The following DEPDC1B variants were observed in gnomAD, a reference collection of about 807,000 sequenced individuals.
DEPDC1B encodes DEP domain containing 1B.
Under a neutral mutation model 66.5 loss-of-function variants are expected in DEPDC1B, and 51 were observed. The observed-to-expected ratio is 0.77, with a 90% CI of 0.61 to 0.97. The LOEUF (loss-of-function observed/expected upper bound fraction) is 0.97. Ranked by LOEUF, DEPDC1B falls within the 50% of genes least tolerant of loss-of-function variation. DEPDC1B has a pLI of 0.00. For synonymous variants in DEPDC1B, 226 were observed against 223.6 expected (o/e 1.01, Z -0.10); for missense variants, 552 against 637.1 (o/e 0.87, Z 1.44).
chr5:60,627,312 A>C (rs1752826939), intron 7 of DEPDC1B, among the ~76,000 whole-genome samples: 1 of 152,184 alleles, frequency 6.6e-6, no homozygotes, highest in Non-Finnish European at 1.5e-5. Flanking sequence ...AAATAAATTC[A>C]AAAGACATCT....
intron 7 of DEPDC1B, among the ~76,000 whole-genome samples, chr5:60,634,197 G>C (rs1311130901): frequency 6.6e-6 from 1 of 152,206 alleles, no homozygotes; most frequent in African/African-American, 2.4e-5. Flanking sequence ...CCAAGAAGGA[G>C]GAAACAGAAG....
At chr5:60,631,149 G>C (rs910388459) in intron 7 of DEPDC1B, among the ~76,000 whole-genome samples, 2 of 152,204 alleles carry the variant, frequency 1.3e-5, no homozygotes, top group Non-Finnish European at 2.9e-5. Flanking sequence ...CAGATGACAG[G>C]TCAGAGGAGG....
chr5:60,699,455 A>AAAAAAC (rs1754731904), intron 1 of DEPDC1B, among the ~76,000 whole-genome samples: 1 of 66,856 alleles, frequency 1.5e-5, no homozygotes, highest in Non-Finnish European at 3.3e-5. Context: ...AAAAAAAAAA[A>AAAAAAC]AAAAAAACAG....
intron 7 of DEPDC1B, among the ~76,000 whole-genome samples, chr5:60,625,427 A>G (rs949438421): frequency 9.2e-5 from 14 of 152,168 alleles, no homozygotes; most frequent in Non-Finnish European, 2.9e-5. Flanking sequence ...CTTTTTAATA[A>G]TCACCATTCT....
At chr5:60,677,288 T>C (rs1445132632) in intron 2 of DEPDC1B, among the ~76,000 whole-genome samples, 2 of 119,040 alleles carry the variant, frequency 1.7e-5, no homozygotes, top group Non-Finnish European at 1.8e-5. Flanking sequence ...AGAATCTTTT[T>C]CATACAGACA....
At chr5:60,619,133 G>T (rs530911768) in intron 7 of DEPDC1B, among the ~76,000 whole-genome samples, 1 of 152,270 alleles carries the variant, frequency 6.6e-6, no homozygotes, top group Non-Finnish European at 1.5e-5. Context: ...TTCATGGGAT[G>T]TATCTCCAAA....
intron 10 of DEPDC1B, 55 bp downstream of exon 10, chr5:60,599,020 A>AC: frequency 6.9e-7 from 1 of 1,449,292 alleles, no homozygotes; most frequent in Non-Finnish European, 9.2e-7. Flanking sequence ...ATAAAAAAAA[A>AC]AACATAAAAA....
At chr5:60,697,366 T>G (rs1323456062) in intron 1 of DEPDC1B, among the ~76,000 whole-genome samples, 1 of 152,168 alleles carries the variant, frequency 6.6e-6, no homozygotes, top group Non-Finnish European at 1.5e-5. Flanking sequence ...AGGCCTAGTT[T>G]TTGTATCCCA....
chr5:60,668,059 TTTTATATATATATAAAA>T (rs1753921782), intron 2 of DEPDC1B, among the ~76,000 whole-genome samples: 2 of 91,712 alleles, frequency 2.2e-5, no homozygotes, highest in Non-Finnish European at 3.9e-5. Context: ...AAAATGGATA[TTTTATATATATATAAAA>T]TGGATATTTT....
chr5:60,621,007 G>A (rs1752687712), intron 7 of DEPDC1B, among the ~76,000 whole-genome samples: 1 of 152,058 alleles, frequency 6.6e-6, no homozygotes, highest in Admixed American at 6.6e-5. Context: ...GATGAAACTG[G>A]AAACCATCAT....
chr5:60,611,504 C>T (rs992256187), intron 7 of DEPDC1B, among the ~76,000 whole-genome samples: 1 of 152,220 alleles, frequency 6.6e-6, no homozygotes, highest in African/African-American at 2.4e-5. Context: ...AGAGAAGTCA[C>T]AAGCTAGGCC....
intron 10 of DEPDC1B, 78 bp downstream of exon 10, chr5:60,598,997 G>C (rs1752148474): frequency 2.5e-6 from 3 of 1,213,228 alleles, no homozygotes; most frequent in African/African-American, 3.2e-5. Flanking sequence ...AGATTTACAT[G>C]AAGCCTATTA....
chr5:60,649,990 T>G (rs886798112), intron 2 of DEPDC1B, among the ~76,000 whole-genome samples: 1 of 151,888 alleles, frequency 6.6e-6, no homozygotes, highest in Middle Eastern at 3.2e-3. Context: ...TTTTCCCCCA[T>G]GAAGATACAT....
intron 6 of DEPDC1B, among the ~76,000 whole-genome samples, chr5:60,641,778 T>C (rs1753197518): frequency 6.6e-6 from 1 of 152,156 alleles, no homozygotes; most frequent in Admixed American, 6.5e-5. Context: ...AAAAAAGCAC[T>C]TCCCCAAGCT....
chr5:60,601,617 T>G (rs1271378731), intron 9 of DEPDC1B, among the ~76,000 whole-genome samples: 1 of 152,100 alleles, frequency 6.6e-6, no homozygotes, highest in Non-Finnish European at 1.5e-5. Flanking sequence ...GCTTCCAAAA[T>G]GGGGGAAAGC....
At chr5:60,677,322 A>ACTCTCTCTCTCT (rs1171843425) in intron 2 of DEPDC1B, among the ~76,000 whole-genome samples, 6 of 99,612 alleles carry the variant, frequency 6.0e-5, no homozygotes, top group African/African-American at 2.9e-4. Flanking sequence ...ACACACACAC[A>ACTCTCTCTCTCT]CACACTCTCT....
chr5:60,631,633 T>A (rs16878294), intron 7 of DEPDC1B, among the ~76,000 whole-genome samples: 5,824 of 152,252 alleles, frequency 0.038, 365 homozygotes, highest in African/African-American at 0.13. Flanking sequence ...TCCTGATAAG[T>A]CTCATTTGCA....
intron 2 of DEPDC1B, among the ~76,000 whole-genome samples, chr5:60,669,023 G>A (rs1753969577): frequency 6.6e-6 from 1 of 152,004 alleles, no homozygotes; most frequent in African/African-American, 2.4e-5. Flanking sequence ...AGAAATTAAG[G>A]CCAGAAAAGT....
intron 7 of DEPDC1B, among the ~76,000 whole-genome samples, chr5:60,619,451 C>G (rs1006506875): frequency 5.8e-4 from 88 of 152,296 alleles, no homozygotes; most frequent in Non-Finnish European, 9.7e-4. Context: ...TCTCAGGATA[C>G]AAAATCAATG....
Sources: allele counts gnomAD v4.1 joint callset (sites outside exome capture counted in the v4.1 genomes callset), GRCh38; gene constraint gnomAD v4.1.1; transcripts MANE v1.5; gene names NCBI Gene and HGNC (gene_info 2026-07-23, HGNC 2026-07-21).